Variants in ELMO1 observed in about 807,000 individuals in gnomAD.
The protein encoded by ELMO1 is engulfment and cell motility protein 1.
ELMO1 carries 26 observed loss-of-function variants against 98.9 expected under a neutral mutation model. The ratio of observed to expected loss-of-function variants is 0.26; its 90% CI spans 0.19 to 0.36. The LOEUF is 0.36. ELMO1 is among the 10% of genes least tolerant of loss of function. ELMO1 has a pLI of 1.00. For synonymous variants in ELMO1, 346 were observed against 346.0 expected (o/e 1.00, Z 0.00); for missense variants, 627 against 935.2 (o/e 0.67, Z 4.30).
intron 15 of ELMO1, among the ~76,000 whole-genome samples, chr7:37,031,219 AGCC>A (rs1383596745): frequency 5.7e-4 from 87 of 152,280 alleles, no homozygotes; most frequent in Middle Eastern, 3.4e-3. Context: ...ACCTAACTAT[AGCC>A]ACATGTATAG....
chr7:37,390,929 C>T (rs1285632626), intron 1 of ELMO1, among the ~76,000 whole-genome samples: 3 of 152,174 alleles, frequency 2.0e-5, no homozygotes, highest in Admixed American at 1.3e-4. Context: ...TTTCCCATCC[C>T]CAACTGAATA....
chr7:37,215,732 T>A (rs1388893245), intron 11 of ELMO1, among the ~76,000 whole-genome samples: 4 of 152,242 alleles, frequency 2.6e-5, no homozygotes, highest in African/African-American at 9.6e-5. Context: ...CCAGGTCTCC[T>A]TGGGCTTCCC....
Position 37,038,757 on chromosome 7 carries a change from A to G in ELMO1, c.1301-25322T>C, listed in dbSNP as rs564567451. ...TTTGTTTTTACAGTTCTGGAGGCTGAAAGTTCTTGATCAGGGTGCAAGCAT... is the reference window on the plus strand; with the variant it reads ...TTTGTTTTTACAGTTCTGGAGGCTGGAAGTTCTTGATCAGGGTGCAAGCAT... On this transcript the variant is annotated intron_variant, in intron 15 of 21. Transcript: ENST00000310758. 2.6e-5 allele frequency among the ~76,000 whole-genome samples: 4 copies of G among 152,316 alleles called. No individual in the cohort carries two copies. The East Asian group carries it at 7.7e-4, about 29-fold the overall frequency.
At position 37,202,044 on chromosome 7, in the gene ELMO1, G is replaced by A. The variant is rs550337337; in HGVS notation, c.1086+9342C>T. Among the ~76,000 whole-genome samples, 127 of 152,280 alleles carry A rather than the reference G, an allele frequency of 8.3e-4. 1 individual carries two copies. The highest frequency in any genetic ancestry group is 6.8e-3 in the Middle Eastern group (2 of 294). On this transcript the variant is annotated intron_variant, in intron 13 of 21. Coordinates refer to ENST00000310758, the MANE Select transcript of ELMO1 (RefSeq NM_014800.11). ...GTGAAAGGGGCTGACTGGGTCTGGTGGACTGGCTAGGACTGGCAGAGCTTC... is the reference window on the plus strand; with the variant it reads ...GTGAAAGGGGCTGACTGGGTCTGGTAGACTGGCTAGGACTGGCAGAGCTTC...
rs138648793 is a variant in ELMO1, at chr7:36,853,631, T to A, written c.*1920A>T. Among the ~76,000 whole-genome samples, 2 of 152,336 alleles carry A rather than the reference T, an allele frequency of 1.3e-5. No individual in the cohort carries two copies. The highest frequency in any genetic ancestry group is 3.9e-4 in the East Asian group (2 of 5,184). ...ACCCCTGTGAATGCAAAGGACTTTT[T>A]TCCTGCAATGCATGCAGTGCTCTGG... On this transcript the variant is annotated 3_prime_UTR_variant, in exon 22 of 22. Coordinates refer to ENST00000310758, the MANE Select transcript of ELMO1 (RefSeq NM_014800.11).
intron 1 of ELMO1, among the ~76,000 whole-genome samples, chr7:37,349,493 A>T (rs1350863467): frequency 6.6e-6 from 1 of 151,592 alleles, no homozygotes; most frequent in Admixed American, 6.6e-5. Flanking sequence ...TCACTCTGTC[A>T]CCCAGGCTGG....
chr7:37,256,585 AGGGAGGGAAAAG>A (rs1212154873), intron 6 of ELMO1, among the ~76,000 whole-genome samples: 57 of 90,412 alleles, frequency 6.3e-4, no homozygotes, highest in African/African-American at 1.9e-3. Flanking sequence ...GAAAGGAGGG[AGGGAGGGAAAAG>A]GGGAGGGAAA....
At chr7:37,025,299 G>A (rs1794503221) in intron 15 of ELMO1, among the ~76,000 whole-genome samples, 1 of 152,220 alleles carries the variant, frequency 6.6e-6, no homozygotes, top group South Asian at 2.1e-4. Flanking sequence ...GCAAAACTGA[G>A]TATGAAACAC....
chr7:37,091,012 TTGGG>T (rs1784052429), intron 15 of ELMO1, among the ~76,000 whole-genome samples: 1 of 152,186 alleles, frequency 6.6e-6, no homozygotes. Flanking sequence ...CGGAATATAA[TTGGG>T]TAAGGTTCTA....
chr7:36,974,127 G>A (rs562588569), intron 16 of ELMO1, among the ~76,000 whole-genome samples: 9 of 152,374 alleles, frequency 5.9e-5, no homozygotes, highest in South Asian at 4.1e-4. Context: ...GAGTGTGGGC[G>A]CACAGCGCAG....
chr7:37,170,850 A>C (rs1041958414), intron 13 of ELMO1, among the ~76,000 whole-genome samples: 4 of 151,960 alleles, frequency 2.6e-5, no homozygotes, highest in Non-Finnish European at 5.9e-5. Flanking sequence ...CAAGTGATCT[A>C]CCCACCTTGG....
intron 5 of ELMO1, among the ~76,000 whole-genome samples, chr7:37,266,770 T>C (rs1796261659): frequency 6.6e-6 from 1 of 152,044 alleles, no homozygotes; most frequent in South Asian, 2.1e-4. Context: ...CCCAGCACTT[T>C]GGGAGGTTGA....
chr7:37,104,040 A>AAAAAAAAAC, intron 14 of ELMO1, among the ~76,000 whole-genome samples: 1 of 139,948 alleles, frequency 7.1e-6, no homozygotes, highest in Non-Finnish European at 1.5e-5. Context: ...AAAAAAAAAA[A>AAAAAAAAAC]AAAGAACAGA....
At chr7:37,105,611 C>T (rs1396597432) in intron 14 of ELMO1, among the ~76,000 whole-genome samples, 1 of 152,242 alleles carries the variant, frequency 6.6e-6, no homozygotes, top group African/African-American at 2.4e-5. Context: ...AACAAGTTCC[C>T]AGTTAACACA....
At chr7:36,908,852 C>T (rs1037075454) in intron 16 of ELMO1, among the ~76,000 whole-genome samples, 2 of 152,176 alleles carry the variant, frequency 1.3e-5, no homozygotes, top group Non-Finnish European at 2.9e-5. Context: ...CTGCTAGAGG[C>T]AACAGAATGC....
chr7:37,441,569 T>C (rs948142141), intron 1 of ELMO1, among the ~76,000 whole-genome samples: 3 of 152,308 alleles, frequency 2.0e-5, no homozygotes, highest in South Asian at 2.1e-4. Flanking sequence ...CACAGACATT[T>C]CCTTTGTCTT....
At chr7:37,220,054 T>C (rs1293358718) in intron 10 of ELMO1, among the ~76,000 whole-genome samples, 1 of 152,204 alleles carries the variant, frequency 6.6e-6, no homozygotes, top group African/African-American at 2.4e-5. Context: ...GCTGTTAATA[T>C]AAATCCACAG....
chr7:37,362,140 T>TG (rs1474947667), intron 1 of ELMO1, among the ~76,000 whole-genome samples: 1 of 152,120 alleles, frequency 6.6e-6, no homozygotes, highest in East Asian at 1.9e-4. Context: ...TGTGTTGTGA[T>TG]GGTTACATGA....
intron 1 of ELMO1, among the ~76,000 whole-genome samples, chr7:37,389,002 G>T (rs964306580): frequency 6.6e-6 from 1 of 152,194 alleles, no homozygotes; most frequent in African/African-American, 2.4e-5. Flanking sequence ...ACAATTCCCT[G>T]AACATGGGAA....
Sources: allele counts gnomAD v4.1 joint callset (sites outside exome capture counted in the v4.1 genomes callset), GRCh38; gene constraint gnomAD v4.1.1; transcripts MANE v1.5; gene names NCBI Gene and HGNC (gene_info 2026-07-23, HGNC 2026-07-21).